DYNLT2B: variants seen among roughly 807,000 people sequenced by gnomAD.
DYNLT2B encodes dynein light chain Tctex-type protein 2B.
In DYNLT2B, 14 loss-of-function variants were observed where a neutral mutation model predicts 19.5. The ratio of observed to expected loss-of-function variants is 0.72; its 90% CI spans 0.47 to 1.12. The LOEUF is 1.12. Ranked by LOEUF, DYNLT2B falls within the 50% of genes most tolerant of loss-of-function variation. The pLI is 0.00. For synonymous variants in DYNLT2B, 70 were observed against 59.7 expected, an observed-to-expected ratio of 1.17 and a Z score of -0.79; for missense variants, 133 against 174.7, an observed-to-expected ratio of 0.76 and a Z score of 1.35.
rs1243686687 is a variant in DYNLT2B at position 196,307,003 on chromosome 3, A to C, written c.257T>G (p.Phe86Cys). The C allele has an allele frequency of 6.2e-7, 1 of 1,613,926 alleles. No homozygotes were observed. Among genetic ancestry groups the C allele is most frequent in the Admixed American group, 1.7e-5 (1 of 60,010 alleles). ...NIKDKLKEMGFDRYKMVVQVV... is the reference protein window; with the variant it reads ...NIKDKLKEMGCDRYKMVVQVV... ...TTGCACCACCATTTTGTATCGGTCA[A>C]ATCCCATTTCTAGAAAGAAAAAATA... Residue 86 changes from phenylalanine to cysteine, a missense_variant, in exon 3 of 5, where the codon TTT becomes TGT. By Grantham distance (205) the Phe-to-Cys change is radical. Coordinates refer to ENST00000325318, the MANE Select transcript of DYNLT2B (RefSeq NM_152773.5).
intron 2 of DYNLT2B, among the ~76,000 whole-genome samples, chr3:196,313,397 T>C (rs1160678091): frequency 6.6e-6 from 1 of 152,050 alleles, no homozygotes; most frequent in South Asian, 2.1e-4. Flanking sequence ...GGTTTTGCCA[T>C]GTTGGCCAGG....
intron 3 of DYNLT2B, among the ~76,000 whole-genome samples, chr3:196,299,694 G>C (rs1428595989): frequency 2.6e-5 from 4 of 152,202 alleles, no homozygotes; most frequent in African/African-American, 7.2e-5. Context: ...CACTTTGGGA[G>C]GCTGAGGCAG....
chr3:196,304,135 T>A (rs1050558448), intron 3 of DYNLT2B, among the ~76,000 whole-genome samples: 1 of 152,032 alleles, frequency 6.6e-6, no homozygotes, highest in African/African-American at 2.4e-5. Context: ...TTGGTTTTTT[T>A]ATTTTTTTAT....
intron 2 of DYNLT2B, among the ~76,000 whole-genome samples, chr3:196,310,515 A>G (rs61134797): frequency 0.55 from 83,885 of 151,376 alleles, 23,837 homozygotes; most frequent in East Asian, 0.9. Context: ...TGCAACCTCC[A>G]CCTCCTGGGT....
In DYNLT2B at chr3:196,306,931, C is replaced by G; in HGVS notation, c.317+12G>C. On this transcript the variant is annotated intron_variant, in intron 3 of 4. Coordinates refer to ENST00000325318, the MANE Select transcript of DYNLT2B (RefSeq NM_152773.5). ...AGATGACTAAAACAAGAAGGAAAAT[C>G]CAGCTACTCACAATACTCCTTCACC... 2 of 1,610,868 alleles carry G rather than the reference C, an allele frequency of 1.2e-6. No homozygotes were observed. The highest frequency in any genetic ancestry group is 1.7e-6 in the Non-Finnish European group (2 of 1,177,234).
At chr3:196,316,341 T>C in intron 1 of DYNLT2B, 110 bp from the exon 2 acceptor site, 1 of 1,093,120 alleles carries the variant, frequency 9.1e-7, no homozygotes, top group Non-Finnish European at 1.2e-6. Flanking sequence ...AATCCTTCTT[T>C]TTCATATTTT....
intron 4 of DYNLT2B, among the ~76,000 whole-genome samples, chr3:196,295,191 G>GT (rs1438505559): frequency 1.5e-5 from 2 of 134,946 alleles, no homozygotes; most frequent in African/African-American, 5.5e-5. Context: ...TTATGTGTGT[G>GT]TGTGTGTCAC....
chr3:196,306,486 T>G (rs372143488), intron 3 of DYNLT2B, among the ~76,000 whole-genome samples: 6 of 152,128 alleles, frequency 3.9e-5, no homozygotes, highest in African/African-American at 1.2e-4. Flanking sequence ...GAGGCATATC[T>G]GAATAATAAC....
intron 3 of DYNLT2B, among the ~76,000 whole-genome samples, chr3:196,297,665 A>G (rs1726256914): frequency 6.6e-6 from 1 of 152,228 alleles, no homozygotes; most frequent in Admixed American, 6.5e-5. Context: ...TAAGTGTTTT[A>G]CGTGTATTAA....
chr3:196,298,993 C>T (rs1490101807), intron 3 of DYNLT2B, among the ~76,000 whole-genome samples: 1 of 152,146 alleles, frequency 6.6e-6, no homozygotes, highest in African/African-American at 2.4e-5. Context: ...CTCACTGCAA[C>T]CTCTGCCTCC....
At position 196,317,021 on chromosome 3, in the gene DYNLT2B, AGTGT is replaced by A. The variant is rs113141859; in HGVS notation, c.114-794_114-791del. On this transcript the variant is annotated intron_variant, in intron 1 of 4. Transcript: ENST00000325318. ...GGCCCGTGAGCCTGACATTTTTTTC[AGTGT>A]GTGTGTGTGTGTGTGTGTGTTGTGT... 2.4e-3 allele frequency among the ~76,000 whole-genome samples: 112 copies of A among 45,938 alleles called. 3 individuals carry two copies. The highest frequency in any genetic ancestry group is 5.0e-3 in the African/African-American group (59 of 11,856). The allele number at this position is 45,938 out of a possible 152,430, so 30.1% of individuals were successfully genotyped here.
chr3:196,298,086 C>A (rs901878799), intron 3 of DYNLT2B: 1 of 276,752 alleles, frequency 3.6e-6, no homozygotes, highest in Non-Finnish European at 7.2e-6. Context: ...GGCTGTTCTG[C>A]AATGTCTCCT....
intron 3 of DYNLT2B, 132 bp downstream of exon 3, chr3:196,306,811 G>C: frequency 1.3e-6 from 1 of 745,992 alleles, no homozygotes; most frequent in South Asian, 1.8e-5. Context: ...AAAGTGCTGA[G>C]ATTACAGGTG....
chr3:196,317,154 A>AGT (rs199908321), intron 1 of DYNLT2B, among the ~76,000 whole-genome samples: 564 of 34,942 alleles, frequency 0.016, 26 homozygotes, highest in African/African-American at 0.03. Context: ...ATTTTTTTTC[A>AGT]GTGTGTGTGT....
chr3:196,293,552 G>T (rs1425621445), intron 4 of DYNLT2B, among the ~76,000 whole-genome samples: 5 of 151,722 alleles, frequency 3.3e-5, no homozygotes. Flanking sequence ...CTTGAACCTG[G>T]GAGGCAGAGG....
At chr3:196,299,988 C>T (rs1726311952) in intron 3 of DYNLT2B, among the ~76,000 whole-genome samples, 2 of 151,936 alleles carry the variant, frequency 1.3e-5, no homozygotes, top group Non-Finnish European at 2.9e-5. Flanking sequence ...AGGGTCCTTA[C>T]AAAAGAAAGA....
intron 1 of DYNLT2B, among the ~76,000 whole-genome samples, chr3:196,317,281 T>TGTG (rs200869314): frequency 1.9e-5 from 1 of 52,650 alleles, no homozygotes; most frequent in Non-Finnish European, 3.9e-5. Flanking sequence ...TGTGTGTGTG[T>TGTG]TGTGTGTGTG....
At chr3:196,307,598 C>T (rs989459064) in intron 2 of DYNLT2B, among the ~76,000 whole-genome samples, 4 of 151,920 alleles carry the variant, frequency 2.6e-5, no homozygotes, top group African/African-American at 4.8e-5. Context: ...CCACCGCGCC[C>T]GGTCAGATAT....
chr3:196,297,127 C>T (rs979747526), intron 3 of DYNLT2B, among the ~76,000 whole-genome samples: 1 of 151,376 alleles, frequency 6.6e-6, no homozygotes, highest in Non-Finnish European at 1.5e-5. Flanking sequence ...TTGCAGTGAC[C>T]TGAGATAGCA....
Sources: allele counts gnomAD v4.1 joint callset (sites outside exome capture counted in the v4.1 genomes callset), GRCh38; gene constraint gnomAD v4.1.1; transcripts MANE v1.5; gene names NCBI Gene and HGNC (gene_info 2026-07-23, HGNC 2026-07-21).